Variants in KCNMA1 observed in about 807,000 individuals in gnomAD.
KCNMA1 encodes the protein potassium calcium-activated channel subfamily M alpha 1, also known as Calcium-activated potassium channel subunit alpha-1.
KCNMA1 carries 29 observed loss-of-function variants against 140.0 expected under a neutral mutation model. The ratio of observed to expected loss-of-function variants is 0.21; its 90% CI spans 0.15 to 0.28. The LOEUF (loss-of-function observed/expected upper bound fraction) is 0.28, where lower values mean the gene tolerates loss of function less well. Ranked by LOEUF, KCNMA1 falls within the 10% of genes least tolerant of loss-of-function variation. The pLI is 1.00. For missense variants in KCNMA1, 880 were observed against 1,602.2 expected (o/e 0.55, Z 7.70); for synonymous variants, 612 against 611.9 (o/e 1.00, Z 0.00).
chr10:77,085,969 A>T (rs945139365), intron 11 of KCNMA1, among the ~76,000 whole-genome samples: 1 of 152,204 alleles, frequency 6.6e-6, no homozygotes, highest in African/African-American at 2.4e-5. Context: ...ATTATCAATG[A>T]TATCAGATAA....
chr10:77,230,994 A>G (rs2053393738), intron 3 of KCNMA1, among the ~76,000 whole-genome samples: 1 of 152,160 alleles, frequency 6.6e-6, no homozygotes. Flanking sequence ...CCGAAGCCAC[A>G]CTGTCTCTAG....
intron 2 of KCNMA1, among the ~76,000 whole-genome samples, chr10:77,340,887 A>T (rs565461384): frequency 6.7e-6 from 1 of 150,052 alleles, no homozygotes; most frequent in African/African-American, 2.4e-5. Context: ...AAAAAAAAAA[A>T]GAGTGACAGG....
chr10:77,018,518 A>G (rs1351874845), intron 17 of KCNMA1, among the ~76,000 whole-genome samples: 1 of 152,210 alleles, frequency 6.6e-6, no homozygotes, highest in Non-Finnish European at 1.5e-5. Flanking sequence ...ATTGAAGCTG[A>G]CAACTTCAGC....
intron 5 of KCNMA1, among the ~76,000 whole-genome samples, chr10:77,167,931 C>T (rs1419511810): frequency 2.0e-5 from 3 of 152,126 alleles, no homozygotes. Flanking sequence ...GATCCTCCCA[C>T]CTCAGCTTCC....
Position 77,414,204 on chromosome 10 carries a change from T to C in KCNMA1, c.379-10181A>G, listed in dbSNP as rs566596534. The stretch of plus-strand genomic sequence containing the variant: ...AAACTGTCTGACCCGGAGGCCTGGA[T>C]TGTTAAGTCCCTTACTTTGCACGCA... On this transcript the variant is annotated intron_variant, in intron 1 of 27. Transcript: ENST00000286628. 4.6e-5 allele frequency among the ~76,000 whole-genome samples: 7 copies of C among 152,296 alleles called. No individual in the cohort carries two copies. The South Asian group carries it at 1.5e-3, about 32-fold the overall frequency.
intron 1 of KCNMA1, among the ~76,000 whole-genome samples, chr10:77,608,181 C>T (rs1298185517): frequency 6.6e-6 from 1 of 151,660 alleles, no homozygotes; most frequent in Non-Finnish European, 1.5e-5. Flanking sequence ...GATCTCATTT[C>T]TTTTTTTTGG....
intron 1 of KCNMA1, among the ~76,000 whole-genome samples, chr10:77,581,827 G>T (rs376592464): frequency 1.3e-5 from 2 of 152,190 alleles, no homozygotes; most frequent in African/African-American, 4.8e-5. Context: ...CCCACTCTCC[G>T]GCTGTCACTG....
In KCNMA1 at chr10:77,538,117, C is replaced by T. The variant is rs568424147; in HGVS notation, c.378+99148G>A. On this transcript the variant is annotated intron_variant, in intron 1 of 27. Transcript: ENST00000286628. ...CATTCACATACTCTACACACACTCA[C>T]ACACACCCACATACTCTACATTCAC... Among the ~76,000 whole-genome samples, 7 of 151,934 alleles carry T rather than the reference C, an allele frequency of 4.6e-5. No individual in the cohort carries two copies. In the East Asian group the frequency reaches 1.4e-3, roughly 29 times the overall value.
intron 1 of KCNMA1, among the ~76,000 whole-genome samples, chr10:77,518,084 C>G (rs1032596095): frequency 1.3e-5 from 2 of 152,232 alleles, no homozygotes; most frequent in East Asian, 3.9e-4. Flanking sequence ...TCAAAGATCC[C>G]CCATAGTTTC....
At chr10:77,347,977 A>G (rs528183144) in intron 2 of KCNMA1, among the ~76,000 whole-genome samples, 1 of 152,332 alleles carries the variant, frequency 6.6e-6, no homozygotes, top group East Asian at 1.9e-4. Flanking sequence ...GCTCAAGGTC[A>G]CAAAACTAAG....
At chr10:77,144,116 C>T (rs2098240964) in intron 5 of KCNMA1, among the ~76,000 whole-genome samples, 1 of 152,006 alleles carries the variant, frequency 6.6e-6, no homozygotes, top group Non-Finnish European at 1.5e-5. Flanking sequence ...ATCATTTGTA[C>T]AAGGATGTTC....
intron 1 of KCNMA1, among the ~76,000 whole-genome samples, chr10:77,471,161 A>G (rs1358891950): frequency 6.6e-6 from 1 of 151,778 alleles, no homozygotes; most frequent in Non-Finnish European, 1.5e-5. Flanking sequence ...CACACTACAC[A>G]CACACCACAC....
At chr10:77,233,133 T>G (rs965633957) in intron 3 of KCNMA1, among the ~76,000 whole-genome samples, 3 of 152,240 alleles carry the variant, frequency 2.0e-5, no homozygotes, top group African/African-American at 7.2e-5. Flanking sequence ...GAAAAACTAT[T>G]CTTTCCTCAT....
At chr10:76,897,611 A>G (rs1015633546) in intron 25 of KCNMA1, among the ~76,000 whole-genome samples, 6 of 152,130 alleles carry the variant, frequency 3.9e-5, no homozygotes, top group Non-Finnish European at 7.4e-5. Context: ...AACAAAAATT[A>G]GCTTCTTTAA....
In KCNMA1 at chr10:77,164,625, C is replaced by T. The variant is rs113144352; in HGVS notation, c.808+18796G>A. Reference sequence around the variant, plus strand: ...TCCTCTAGAAGCCACCATTTCTCTTCGCTATCTAGACCCCAGGGAAGTGGC... The same window carrying T: ...TCCTCTAGAAGCCACCATTTCTCTTTGCTATCTAGACCCCAGGGAAGTGGC... On this transcript the variant is annotated intron_variant, in intron 5 of 27. Coordinates refer to ENST00000286628, the MANE Select transcript of KCNMA1 (RefSeq NM_001161352.2). Among the ~76,000 whole-genome samples the T allele has an allele frequency of 2.7e-4, 41 of 152,104 alleles. 2 individuals are homozygous for T. Among genetic ancestry groups the T allele is most frequent in the African/African-American group, 8.2e-4 (34 of 41,512 alleles).
intron 1 of KCNMA1, among the ~76,000 whole-genome samples, chr10:77,520,690 C>T (rs1414759338): frequency 3.3e-5 from 5 of 152,116 alleles, no homozygotes; most frequent in East Asian, 3.9e-4. Context: ...GGTCATCCCA[C>T]GCCATATAAA....
intron 18 of KCNMA1, among the ~76,000 whole-genome samples, chr10:77,011,259 C>T (rs1332762209): frequency 1.3e-5 from 2 of 152,284 alleles, no homozygotes; most frequent in South Asian, 2.1e-4. Context: ...CTCAGGAGCT[C>T]ACAATTCCAC....
intron 22 of KCNMA1, chr10:76,948,854 G>C: frequency 2.0e-6 from 1 of 489,060 alleles, no homozygotes; most frequent in Non-Finnish European, 3.7e-6. Context: ...TCTAGGTTTT[G>C]TATAGGCAGG....
At chr10:77,564,148 G>T (rs890058344) in intron 1 of KCNMA1, among the ~76,000 whole-genome samples, 7 of 152,202 alleles carry the variant, frequency 4.6e-5, no homozygotes, top group African/African-American at 1.7e-4. Flanking sequence ...AACAAAAAGA[G>T]AAGAACAGAG....
Sources: allele counts gnomAD v4.1 joint callset (sites outside exome capture counted in the v4.1 genomes callset), GRCh38; gene constraint gnomAD v4.1.1; transcripts MANE v1.5; gene names NCBI Gene and HGNC (gene_info 2026-07-23, HGNC 2026-07-21).